The following HOTAIR variants were observed in gnomAD, a reference collection of about 807,000 sequenced individuals.
The protein encoded by HOTAIR is HOX transcript antisense RNA.
intron 1 of HOTAIR, among the ~76,000 whole-genome samples, chr12:53,971,493 G>C (rs1488302130): frequency 2.0e-5 from 3 of 152,218 alleles, no homozygotes; most frequent in Non-Finnish European, 4.4e-5. Context: ...TCCTTATCTG[G>C]TTTGGGAGCC....
chr12:53,973,087 G>A lies in HOTAIR; in HGVS notation n.59+1811C>T. 1.7e-6 allele frequency: 1 copy of A among 595,120 alleles called. No individual in the cohort carries two copies. Among genetic ancestry groups the A allele is most frequent in the Non-Finnish European group, 2.9e-6 (1 of 348,742 alleles). The allele number at this position is 595,120 out of a possible 1,614,324, so 36.9% of individuals were successfully genotyped here. A position where few individuals can be genotyped will look rare whatever the true frequency, so the allele number is the denominator to read the frequency against. ...AGAACCCCTCCTACGTCTGCGAAGT[G>A]CTCCGAACTGATATATGACAATATC... On this transcript the variant is annotated intron_variant and non_coding_transcript_variant, in intron 1 of 6. Transcript: ENST00000424518. This position sits in a 1 kb window ranked among gnomAD's most constrained non-coding sequence, Gnocchi z 4.3.
chr12:53,971,863 C>T (rs1939152971), intron 1 of HOTAIR, among the ~76,000 whole-genome samples: 1 of 152,236 alleles, frequency 6.6e-6, no homozygotes, highest in Non-Finnish European at 1.5e-5. Flanking sequence ...GAGCCTACTT[C>T]TTGGGCTACA....
intron 3 of HOTAIR, chr12:53,966,526 G>A (rs369630790): frequency 1.5e-4 from 23 of 152,460 alleles, no homozygotes; most frequent in African/African-American, 5.1e-4. Context: ...GGTGCGGTAG[G>A]AGGCTTGGTT....
chr12:53,972,859 A>G (rs979714158), intron 1 of HOTAIR, among the ~76,000 whole-genome samples: 11 of 151,704 alleles, frequency 7.3e-5, no homozygotes, highest in African/African-American at 2.7e-4. Flanking sequence ...AAAAAAATAC[A>G]ATTACCCCTT....
chr12:53,967,059 G>T (rs979567212), intron 3 of HOTAIR, among the ~76,000 whole-genome samples: 1 of 152,158 alleles, frequency 6.6e-6, no homozygotes, highest in Non-Finnish European at 1.5e-5. Context: ...GCTCGTTTTC[G>T]CCTCCTCTGG....
At position 53,973,095 on chromosome 12, in the gene HOTAIR, C is replaced by G. The variant is rs183488417; in HGVS notation, n.59+1803G>C. On this transcript the variant is annotated intron_variant and non_coding_transcript_variant, in intron 1 of 6. Coordinates refer to ENST00000424518, the Ensembl canonical transcript of HOTAIR. This position sits in a 1 kb window ranked among gnomAD's most constrained non-coding sequence, Gnocchi z 4.3. Reference sequence around the variant, plus strand: ...TCCTACGTCTGCGAAGTGCTCCGAACTGATATATGACAATATCTACTTTGG... The same window carrying G: ...TCCTACGTCTGCGAAGTGCTCCGAAGTGATATATGACAATATCTACTTTGG... 252 of 622,558 alleles carry G rather than the reference C, an allele frequency of 4.0e-4. No homozygotes were observed. Among genetic ancestry groups the G allele is most frequent in the Non-Finnish European group, 9.2e-5 (34 of 369,500 alleles). 38.6% of individuals were successfully genotyped at this position (622,558 alleles called of 1,614,324 possible). A position where few individuals can be genotyped will look rare whatever the true frequency, so the allele number is the denominator to read the frequency against.
rs772454678 is a variant in HOTAIR at position 53,973,747 on chromosome 12, C to A, written n.59+1151G>T. On this transcript the variant is annotated intron_variant and non_coding_transcript_variant, in intron 1 of 6. Coordinates refer to ENST00000424518, the Ensembl canonical transcript of HOTAIR. This position sits in a 1 kb window ranked among gnomAD's most constrained non-coding sequence, Gnocchi z 4.3. ...GGTGGCGGCGACCCGCCCGCCGAGC[C>A]CCCCTGCTCCGGCAAGGGCGAGGCC... The A allele has an allele frequency of 6.2e-7, 1 of 1,612,800 alleles. No individual in the cohort carries two copies. The highest frequency in any genetic ancestry group is 8.5e-7 in the Non-Finnish European group (1 of 1,179,740).
At chr12:53,964,975 T>C (rs1287856122) in intron 5 of HOTAIR, among the ~76,000 whole-genome samples, 1 of 152,196 alleles carries the variant, frequency 6.6e-6, no homozygotes, top group Admixed American at 6.5e-5. Context: ...GGATAATAGA[T>C]AATTACAGGG....
In HOTAIR at chr12:53,973,307, C is replaced by A; in HGVS notation, n.59+1591G>T. The A allele has an allele frequency of 6.2e-7, 1 of 1,613,984 alleles. No individual in the cohort carries two copies. Among genetic ancestry groups the A allele is most frequent in the East Asian group, 2.2e-5 (1 of 44,840 alleles). On this transcript the variant is annotated intron_variant and non_coding_transcript_variant, in intron 1 of 6. Transcript: ENST00000424518. This position sits in a 1 kb window ranked among gnomAD's most constrained non-coding sequence, Gnocchi z 4.3. ...CGCGCAAGGAGAGGGGCGCAGATTT[C>A]GGCGAGCGAGGGAGCTGCGCCTCCA... is the stretch of plus-strand genomic sequence containing the variant.
intron 3 of HOTAIR, chr12:53,966,684 G>A (rs1332825263): frequency 6.6e-6 from 1 of 152,332 alleles, no homozygotes; most frequent in African/African-American, 2.4e-5. Context: ...TGCGGGGGCA[G>A]CGATCCCCGA....
At chr12:53,970,314 G>T (rs948845795) in intron 1 of HOTAIR, among the ~76,000 whole-genome samples, 4 of 152,242 alleles carry the variant, frequency 2.6e-5, no homozygotes, top group Admixed American at 1.3e-4. Context: ...GTACAGGGAG[G>T]TATTGATGCT....
chr12:53,964,771 G>A (rs890086960), intron 5 of HOTAIR, among the ~76,000 whole-genome samples: 1 of 152,166 alleles, frequency 6.6e-6, no homozygotes, highest in African/African-American at 2.4e-5. Context: ...ATCACCCTAA[G>A]CCCTACAAAA....
chr12:53,971,629 A>G (rs1308023381), intron 1 of HOTAIR, among the ~76,000 whole-genome samples: 2 of 152,200 alleles, frequency 1.3e-5, no homozygotes, highest in South Asian at 4.1e-4. Context: ...CTGAGTGTGC[A>G]TTGGGCTGAG....
chr12:53,974,239 A>G (rs1180512334), intron 1 of HOTAIR, among the ~76,000 whole-genome samples: 1 of 149,668 alleles, frequency 6.7e-6, no homozygotes, highest in East Asian at 2.1e-4. Flanking sequence ...ATTGCGGGCG[A>G]TATTAACTTT....
chr12:53,971,186 A>G (rs190284217), intron 1 of HOTAIR, among the ~76,000 whole-genome samples: 2 of 152,346 alleles, frequency 1.3e-5, no homozygotes, highest in Admixed American at 6.5e-5. Flanking sequence ...TTTTCTTTTC[A>G]TGGCCCCTTA....
chr12:53,968,948 A>C (rs567194946), intron 1 of HOTAIR: 1 of 152,294 alleles, frequency 6.6e-6, no homozygotes, highest in South Asian at 2.1e-4. Context: ...CGACCCAGGC[A>C]TCTGATCGCT....
Position 53,973,338 on chromosome 12 carries a change from T to C in HOTAIR, n.59+1560A>G, listed in dbSNP as rs1240786364. ...GCGAGGGAGCTGCGCCTCCAACCTC[T>C]ATCTGCCCAGTTGCACTTACTACAT... On this transcript the variant is annotated intron_variant and non_coding_transcript_variant, in intron 1 of 6. Coordinates refer to ENST00000424518, the Ensembl canonical transcript of HOTAIR. The surrounding 1 kb of genome is among the most constrained non-coding windows in gnomAD (Gnocchi z 4.3). 2 of 1,614,004 alleles carry C rather than the reference T, an allele frequency of 1.2e-6. No homozygotes were observed. Among genetic ancestry groups the C allele is most frequent in the Non-Finnish European group, 1.7e-6 (2 of 1,180,024 alleles).
In HOTAIR at chr12:53,973,916, C is replaced by A. The variant is rs1357694910; in HGVS notation, n.59+982G>T. The stretch of plus-strand genomic sequence containing the variant: ...TGGCCAAGGAGCCGGCCAAAGGAGC[C>A]GCCCCCAGTAGGTAGCAGCGGCCGG... On this transcript the variant is annotated intron_variant and non_coding_transcript_variant, in intron 1 of 6. Transcript: ENST00000424518. This position sits in a 1 kb window ranked among gnomAD's most constrained non-coding sequence, Gnocchi z 4.3. 8 of 1,441,236 alleles carry A rather than the reference C, an allele frequency of 5.6e-6. No individual in the cohort carries two copies. The highest frequency in any genetic ancestry group is 7.3e-6 in the Non-Finnish European group (8 of 1,095,346). 89.3% of individuals were successfully genotyped at this position (1,441,236 alleles called of 1,614,324 possible).
At chr12:53,972,395 T>C in intron 1 of HOTAIR, among the ~76,000 whole-genome samples, 1 of 152,224 alleles carries the variant, frequency 6.6e-6, no homozygotes. Flanking sequence ...AGAAGGTTTT[T>C]CCCAGACTTC....
Sources: gnomAD v4.1 joint callset for allele counts (sites outside exome capture counted in the v4.1 genomes callset) on GRCh38, gnomAD v4.1.1 for gene constraint, Gnocchi (gnomAD v3.1) non-coding constraint, MANE v1.5 for transcripts, NCBI Gene and HGNC (gene_info 2026-07-23, HGNC 2026-07-21) for gene names.